The following SPATA17 variants were observed in gnomAD, a reference collection of about 807,000 sequenced individuals.
SPATA17 encodes the protein spermatogenesis-associated protein 17.
A neutral mutation model predicts 62.2 loss-of-function variants in SPATA17; 53 were observed. The observed-to-expected ratio is 0.85, with a 90% CI of 0.68 to 1.07. SPATA17 has a LOEUF of 1.07. Ranked by LOEUF, SPATA17 falls within the 50% of genes least tolerant of loss-of-function variation. The pLI is 0.00. For missense variants in SPATA17, 466 were observed against 425.5 expected, an observed-to-expected ratio of 1.10 and a Z score of -0.84; for synonymous variants, 146 against 146.8, an observed-to-expected ratio of 0.99 and a Z score of 0.04.
At chr1:217,674,783 C>T (rs924141628) in intron 4 of SPATA17, among the ~76,000 whole-genome samples, 4 of 152,186 alleles carry the variant, frequency 2.6e-5, no homozygotes, top group Admixed American at 6.5e-5. Flanking sequence ...GGTTTGGCCC[C>T]ACCATTGCTT....
At chr1:217,865,913 G>A (rs753949600) in intron 10 of SPATA17, among the ~76,000 whole-genome samples, 4 of 152,042 alleles carry the variant, frequency 2.6e-5, no homozygotes, top group African/African-American at 7.2e-5. Flanking sequence ...TATTTGTTAG[G>A]TTTGAAAAAC....
intron 4 of SPATA17, among the ~76,000 whole-genome samples, chr1:217,674,219 A>G (rs1417652808): frequency 6.6e-6 from 1 of 152,176 alleles, no homozygotes; most frequent in Non-Finnish European, 1.5e-5. Context: ...AGGATTTAAA[A>G]AAGGGAACTC....
At chr1:217,654,688 A>G (rs888436275) in intron 3 of SPATA17, among the ~76,000 whole-genome samples, 12 of 151,070 alleles carry the variant, frequency 7.9e-5, no homozygotes, top group Non-Finnish European at 1.2e-4. Flanking sequence ...TTATCTCTCA[A>G]TATATTGCAT....
intron 9 of SPATA17, among the ~76,000 whole-genome samples, chr1:217,825,902 A>T (rs991568758): frequency 1.3e-5 from 2 of 152,120 alleles, no homozygotes; most frequent in African/African-American, 4.8e-5. Context: ...CTTCATGTAG[A>T]TTCTACACAT....
At position 217,683,318 on chromosome 1, in the gene SPATA17, A is replaced by AT; in HGVS notation, c.352_353insT (p.Lys118IlefsTer12). On this transcript the variant is annotated frameshift_variant, in exon 5 of 11. Coordinates refer to ENST00000366933, the MANE Select transcript of SPATA17 (RefSeq NM_138796.4). LOFTEE classifies it high-confidence loss of function. ...GTACCTCTTTAATTATTATTATTTG[A>AT]AAGAGTACCTGAAAGTCGTTTCAGA... 6.2e-7 allele frequency: 1 copy of AT among 1,610,232 alleles called. No individual in the cohort carries two copies.
chr1:217,637,823 A>G (rs889348214), intron 1 of SPATA17, among the ~76,000 whole-genome samples: 3 of 152,164 alleles, frequency 2.0e-5, no homozygotes, highest in African/African-American at 7.2e-5. Flanking sequence ...CCAAATACAC[A>G]AGGAAGATTT....
chr1:217,727,109 T>C (rs577697693), intron 5 of SPATA17, among the ~76,000 whole-genome samples: 2 of 151,772 alleles, frequency 1.3e-5, no homozygotes, highest in Non-Finnish European at 2.9e-5. Flanking sequence ...TAGCCAAGCA[T>C]GGTGGCATAT....
intron 9 of SPATA17, among the ~76,000 whole-genome samples, chr1:217,859,655 C>T (rs956391821): frequency 1.1e-4 from 16 of 152,160 alleles, no homozygotes; most frequent in South Asian, 8.3e-4. Context: ...AACCCTCCCA[C>T]CTTGGCCTCC....
At chr1:217,843,485 A>G (rs12409486) in intron 9 of SPATA17, among the ~76,000 whole-genome samples, 44,453 of 151,918 alleles carry the variant, frequency 0.29, 7,734 homozygotes, top group Non-Finnish European at 0.38. Flanking sequence ...GATACATGGA[A>G]TATATCATGA....
intron 8 of SPATA17, among the ~76,000 whole-genome samples, chr1:217,789,063 T>C (rs2102981028): frequency 6.6e-6 from 1 of 152,286 alleles, no homozygotes; most frequent in Admixed American, 6.5e-5. Flanking sequence ...GACTGGAGTT[T>C]CCCTATGAAG....
chr1:217,703,455 A>T (rs1671650744), intron 5 of SPATA17, among the ~76,000 whole-genome samples: 1 of 152,158 alleles, frequency 6.6e-6, no homozygotes, highest in Admixed American at 6.5e-5. Flanking sequence ...TACAGGCGTG[A>T]TCCACCATGC....
chr1:217,645,680 ATCT>A (rs1370792774), intron 1 of SPATA17, among the ~76,000 whole-genome samples: 4 of 152,122 alleles, frequency 2.6e-5, no homozygotes, highest in African/African-American at 9.7e-5. Flanking sequence ...TCCACATTCT[ATCT>A]TCTTTGAGTT....
intron 9 of SPATA17, among the ~76,000 whole-genome samples, chr1:217,832,057 ATTGT>A (rs1403835021): frequency 6.6e-6 from 1 of 152,086 alleles, no homozygotes; most frequent in Non-Finnish European, 1.5e-5. Flanking sequence ...GGCAGTGGAT[ATTGT>A]TTTGCTAATT....
At chr1:217,787,625 T>C (rs1164054700) in intron 8 of SPATA17, among the ~76,000 whole-genome samples, 3 of 152,222 alleles carry the variant, frequency 2.0e-5, no homozygotes, top group Non-Finnish European at 4.4e-5. Flanking sequence ...GTAAAAACCT[T>C]AAACACTATT....
intron 8 of SPATA17, among the ~76,000 whole-genome samples, chr1:217,794,879 T>G (rs1674094105): frequency 6.6e-6 from 1 of 152,230 alleles, no homozygotes; most frequent in Non-Finnish European, 1.5e-5. Flanking sequence ...GAATTTTGAC[T>G]CTTGAGCTTG....
At chr1:217,724,188 T>A (rs961057917) in intron 5 of SPATA17, among the ~76,000 whole-genome samples, 8 of 152,246 alleles carry the variant, frequency 5.3e-5, no homozygotes, top group African/African-American at 1.9e-4. Flanking sequence ...TCTATATTAA[T>A]GGACATTTAA....
At chr1:217,763,802 G>T (rs566310816) in intron 6 of SPATA17, among the ~76,000 whole-genome samples, 2 of 152,234 alleles carry the variant, frequency 1.3e-5, no homozygotes, top group Non-Finnish European at 2.9e-5. Flanking sequence ...TCGTTAGTGG[G>T]TTGGATATAT....
intron 9 of SPATA17, among the ~76,000 whole-genome samples, chr1:217,837,333 C>T (rs1229992809): frequency 1.3e-5 from 2 of 152,126 alleles, no homozygotes; most frequent in East Asian, 3.9e-4. Context: ...AAAATATTTG[C>T]TAAATATAAT....
At chr1:217,709,033 A>G (rs571522446) in intron 5 of SPATA17, among the ~76,000 whole-genome samples, 64 of 152,318 alleles carry the variant, frequency 4.2e-4, no homozygotes, top group Middle Eastern at 3.4e-3. Context: ...GAAGGAACAT[A>G]CTTCAAAATA....
Sources: allele counts gnomAD v4.1 joint callset (sites outside exome capture counted in the v4.1 genomes callset), GRCh38; gene constraint gnomAD v4.1.1; transcripts MANE v1.5; gene names NCBI Gene and HGNC (gene_info 2026-07-23, HGNC 2026-07-21).